The following PLEKHA5 variants were observed in gnomAD, a reference collection of about 807,000 sequenced individuals.
PLEKHA5 encodes the protein pleckstrin homology domain-containing family A member 5.
PLEKHA5 carries 55 observed loss-of-function variants against 181.9 expected under a neutral mutation model. That is an observed-to-expected ratio of 0.30 (90% CI 0.24 to 0.38). The LOEUF (loss-of-function observed/expected upper bound fraction) is 0.38, where lower values mean the gene tolerates loss of function less well. Among genes scored for constraint, PLEKHA5 ranks in the 10% least tolerant of loss-of-function variants. The pLI, the probability that PLEKHA5 is intolerant of heterozygous loss-of-function variation, is 1.00. For missense variants in PLEKHA5, 1,432 were observed against 1,549.5 expected, an observed-to-expected ratio of 0.92 and a Z score of 1.27; for synonymous variants, 535 against 529.4, an observed-to-expected ratio of 1.01 and a Z score of -0.15.
intron 3 of PLEKHA5, among the ~76,000 whole-genome samples, chr12:19,136,743 T>G (rs1468127929): frequency 1.3e-5 from 2 of 152,126 alleles, no homozygotes; most frequent in African/African-American, 4.8e-5. Flanking sequence ...GTATGCAAAT[T>G]TTTTAAGGTT....
intron 16 of PLEKHA5, among the ~76,000 whole-genome samples, chr12:19,317,355 T>TC (rs991326345): frequency 6.6e-6 from 1 of 151,164 alleles, no homozygotes; most frequent in African/African-American, 2.4e-5. Flanking sequence ...AGATACTATC[T>TC]CTTTTTTTTT....
rs201406306 is a variant in PLEKHA5 at position 19,271,089 on chromosome 12, G to T, written c.845+884G>T. Reference sequence around the variant, plus strand: ...AAACCACTTTTGCCACATGCATATTGCAGGATGAGAGCAGATAGAAGGAAA... The same window carrying T: ...AAACCACTTTTGCCACATGCATATTTCAGGATGAGAGCAGATAGAAGGAAA... On this transcript the variant is annotated intron_variant, in intron 10 of 31. Coordinates refer to ENST00000429027, the MANE Select transcript of PLEKHA5 (RefSeq NM_001256470.2). Among the ~76,000 whole-genome samples the T allele has an allele frequency of 2.1e-4, 32 of 152,292 alleles. No homozygotes were observed. In the East Asian group the frequency reaches 6.2e-3, roughly 29 times the overall value.
At chr12:19,341,846 C>G (rs989174231) in intron 21 of PLEKHA5, among the ~76,000 whole-genome samples, 2 of 152,074 alleles carry the variant, frequency 1.3e-5, no homozygotes, top group Non-Finnish European at 2.9e-5. Context: ...ATCCTCTCAC[C>G]TCAGCCTCCC....
At chr12:19,141,239 T>G (rs1217196816) in intron 3 of PLEKHA5, among the ~76,000 whole-genome samples, 1 of 152,212 alleles carries the variant, frequency 6.6e-6, no homozygotes, top group Non-Finnish European at 1.5e-5. Flanking sequence ...TACACCCGTT[T>G]AGCTTTTTAA....
chr12:19,345,011 A>G (rs2094213542), intron 22 of PLEKHA5, among the ~76,000 whole-genome samples: 2 of 151,640 alleles, frequency 1.3e-5, no homozygotes, highest in Non-Finnish European at 2.9e-5. Context: ...GGTCCCAGCT[A>G]CTTGGAAGTC....
intron 11 of PLEKHA5, among the ~76,000 whole-genome samples, chr12:19,280,753 CAG>C (rs1284620554): frequency 2.0e-5 from 3 of 147,778 alleles, no homozygotes; most frequent in African/African-American, 5.0e-5. Context: ...TTTTTTGAGA[CAG>C]AGTGTCTGTC....
In PLEKHA5 at chr12:19,243,951, A is replaced by G. The variant is rs544962241; in HGVS notation, c.228-9989A>G. ...GCCAGCGTATTTTCAGTTTAAAAATAAATTGCAGAAACTGTCTTTGTGGCA... is the reference window on the plus strand; with the variant it reads ...GCCAGCGTATTTTCAGTTTAAAAATGAATTGCAGAAACTGTCTTTGTGGCA... On this transcript the variant is annotated intron_variant, in intron 3 of 31. Coordinates refer to ENST00000429027, the MANE Select transcript of PLEKHA5 (RefSeq NM_001256470.2). Among the ~76,000 whole-genome samples the G allele has an allele frequency of 3.2e-3, 483 of 152,338 alleles. 3 individuals are homozygous for G. Among genetic ancestry groups the G allele is most frequent in the African/African-American group, 0.011 (476 of 41,590 alleles).
chr12:19,178,240 A>ATGAG (rs1433986960), intron 3 of PLEKHA5, among the ~76,000 whole-genome samples: 4 of 152,218 alleles, frequency 2.6e-5, no homozygotes, highest in African/African-American at 9.6e-5. Context: ...ATATTTATAA[A>ATGAG]TGAGTACAAC....
chr12:19,348,589 TA>T (rs2153208911), intron 25 of PLEKHA5, 70 bp downstream of exon 25: 1 of 1,213,902 alleles, frequency 8.2e-7, no homozygotes, highest in East Asian at 2.6e-5. Flanking sequence ...AAAATAGTAG[TA>T]AATTCCATTT....
At chr12:19,323,479 G>A (rs2091397136) in intron 20 of PLEKHA5, among the ~76,000 whole-genome samples, 1 of 151,948 alleles carries the variant, frequency 6.6e-6, no homozygotes, top group South Asian at 2.1e-4. Context: ...TTCCAGCCTG[G>A]GCAACAAGAC....
intron 3 of PLEKHA5, among the ~76,000 whole-genome samples, chr12:19,142,725 A>T (rs2037769529): frequency 6.6e-6 from 1 of 152,196 alleles, no homozygotes; most frequent in South Asian, 2.1e-4. Context: ...TATACAATAC[A>T]TTATCTCAGT....
At chr12:19,339,225 G>C (rs560331105) in intron 21 of PLEKHA5, among the ~76,000 whole-genome samples, 1 of 151,906 alleles carries the variant, frequency 6.6e-6, no homozygotes, top group African/African-American at 2.4e-5. Context: ...ATTTTTAGTA[G>C]AGACAAGGTT....
At chr12:19,325,816 T>C (rs1268001983) in intron 20 of PLEKHA5, among the ~76,000 whole-genome samples, 9 of 151,538 alleles carry the variant, frequency 5.9e-5, no homozygotes, top group Admixed American at 5.9e-4. Context: ...CAAACCAGCC[T>C]GACCAACATG....
At chr12:19,165,372 T>C (rs991523625) in intron 3 of PLEKHA5, among the ~76,000 whole-genome samples, 2 of 152,144 alleles carry the variant, frequency 1.3e-5, no homozygotes, top group Non-Finnish European at 2.9e-5. Context: ...TGATGCTCAG[T>C]AAACATTTGT....
chr12:19,248,266 C>T (rs2152501388), intron 3 of PLEKHA5, among the ~76,000 whole-genome samples: 1 of 152,096 alleles, frequency 6.6e-6, no homozygotes, highest in South Asian at 2.1e-4. Context: ...GGCACTATCT[C>T]AACTCACTGC....
chr12:19,155,935 T>C (rs2151387055), intron 3 of PLEKHA5, among the ~76,000 whole-genome samples: 1 of 152,334 alleles, frequency 6.6e-6, no homozygotes, highest in African/African-American at 2.4e-5. Context: ...AAGTATACGT[T>C]GAGTAGCCCC....
intron 25 of PLEKHA5, among the ~76,000 whole-genome samples, chr12:19,351,646 G>A (rs895446515): frequency 1.3e-5 from 2 of 151,954 alleles, no homozygotes; most frequent in African/African-American, 4.8e-5. Flanking sequence ...GCAGGACTCT[G>A]GAAGGAGAGA....
At position 19,339,493 on chromosome 12, in the gene PLEKHA5, A is replaced by T. The variant is rs548099098; in HGVS notation, c.2550+2877A>T. 2.6e-4 allele frequency among the ~76,000 whole-genome samples: 40 copies of T among 152,348 alleles called. 1 individual carries two copies. In the South Asian group the frequency reaches 7.7e-3, roughly 29 times the overall value. On this transcript the variant is annotated intron_variant, in intron 21 of 31. Transcript: ENST00000429027. ...TAACCTTATTACAGGATATAAGAGA[A>T]GACCTGAATTAATGGAGAGGTGTAA...
intron 11 of PLEKHA5, among the ~76,000 whole-genome samples, chr12:19,278,695 T>TG (rs1306318313): frequency 1.3e-5 from 2 of 151,966 alleles, no homozygotes; most frequent in Non-Finnish European, 2.9e-5. Flanking sequence ...ACGGTGAAGA[T>TG]GGGGAGGAAG....
Sources: gnomAD v4.1 joint callset for allele counts (sites outside exome capture counted in the v4.1 genomes callset) on GRCh38, gnomAD v4.1.1 for gene constraint, MANE v1.5 for transcripts, NCBI Gene and HGNC (gene_info 2026-07-23, HGNC 2026-07-21) for gene names.